The following ESR1 variants were observed in gnomAD, a reference collection of about 807,000 sequenced individuals.
ESR1 encodes estrogen receptor.
ESR1 carries 12 observed loss-of-function variants against 52.7 expected under a neutral mutation model. That is an observed-to-expected ratio of 0.23 (90% CI 0.15 to 0.37). ESR1 has a LOEUF of 0.37. ESR1 is among the 10% of genes least tolerant of loss of function. ESR1 has a pLI of 1.00. For missense variants in ESR1, 584 were observed against 779.7 expected (o/e 0.75, Z 2.99); for synonymous variants, 305 against 316.8 (o/e 0.96, Z 0.39).
At chr6:151,993,591 T>C (rs1169403146) in intron 4 of ESR1, among the ~76,000 whole-genome samples, 1 of 152,212 alleles carries the variant, frequency 6.6e-6, no homozygotes, top group Non-Finnish European at 1.5e-5. Flanking sequence ...GATCCCGCTC[T>C]TCTCAAGTTC....
At chr6:151,729,487 C>T (rs113485765) in intron 2 of ESR1, among the ~76,000 whole-genome samples, 1,956 of 152,118 alleles carry the variant, frequency 0.013, 36 homozygotes, top group African/African-American at 0.043. Flanking sequence ...GAGCAGAGTA[C>T]GCAGGGGAAT....
intron 4 of ESR1, among the ~76,000 whole-genome samples, chr6:151,962,138 T>G (rs1584495270): frequency 6.6e-6 from 1 of 152,272 alleles, no homozygotes; most frequent in East Asian, 1.9e-4. Context: ...ATCAAGAGCT[T>G]CTGCCGTCTT....
upstream of ESR1, among the ~76,000 whole-genome samples, chr6:151,688,484 A>G (rs185309942): frequency 1.3e-3 from 199 of 152,272 alleles, 1 homozygote; most frequent in African/African-American, 4.6e-3. Context: ...TACTTACCTC[A>G]CTGGGTTGCT....
chr6:151,728,270 A>G (rs1229789352), intron 2 of ESR1, among the ~76,000 whole-genome samples: 1 of 152,238 alleles, frequency 6.6e-6, no homozygotes, highest in Non-Finnish European at 1.5e-5. Flanking sequence ...CACAGGTCAG[A>G]TCACTCTCAG....
At chr6:151,817,931 T>C (rs1341084653) in intron 1 of ESR1, among the ~76,000 whole-genome samples, 1 of 152,206 alleles carries the variant, frequency 6.6e-6, no homozygotes, top group Non-Finnish European at 1.5e-5. Flanking sequence ...GTACAATTGT[T>C]GATTGCATAA....
At chr6:151,660,229 C>T (rs562841898) in intron 1 of ESR1, among the ~76,000 whole-genome samples, 3 of 152,114 alleles carry the variant, frequency 2.0e-5, no homozygotes, top group Non-Finnish European at 2.9e-5. Flanking sequence ...AGAGTTTGGG[C>T]GATGGGAAAA....
chr6:151,973,822 TC>T (rs921838825), intron 4 of ESR1, among the ~76,000 whole-genome samples: 3 of 152,166 alleles, frequency 2.0e-5, no homozygotes, highest in African/African-American at 7.2e-5. Flanking sequence ...AAAACATAGC[TC>T]CCCAGCTTTC....
chr6:151,693,634 T>TC (rs1779106807), intron 1 of ESR1, among the ~76,000 whole-genome samples: 1 of 152,240 alleles, frequency 6.6e-6, no homozygotes, highest in East Asian at 1.9e-4. Context: ...TGATTTTTTT[T>TC]TGAGATGGAG....
At chr6:152,079,481 G>C (rs993614412) in intron 6 of ESR1, among the ~76,000 whole-genome samples, 6 of 152,154 alleles carry the variant, frequency 3.9e-5, no homozygotes, top group African/African-American at 1.4e-4. Flanking sequence ...AACCCCATCT[G>C]TAGGTCATCA....
chr6:152,122,409 C>T, intron 6 of ESR1: 1 of 1,613,982 alleles, frequency 6.2e-7, no homozygotes, highest in Non-Finnish European at 8.5e-7. Context: ...ATGCTACCAG[C>T]ACTTCTGCAG....
chr6:152,010,080 T>G (rs1032749663), intron 4 of ESR1, among the ~76,000 whole-genome samples: 6 of 152,090 alleles, frequency 3.9e-5, no homozygotes, highest in African/African-American at 1.4e-4. Context: ...TTGATGAGCT[T>G]TGATTATGAA....
intron 3 of ESR1, among the ~76,000 whole-genome samples, chr6:151,926,268 G>A (rs1231353251): frequency 6.6e-6 from 1 of 152,064 alleles, no homozygotes; most frequent in African/African-American, 2.4e-5. Context: ...ATGAAATAGT[G>A]CAAGTGCTCC....
chr6:151,860,523 G>A (rs1788680004), intron 2 of ESR1, among the ~76,000 whole-genome samples: 1 of 152,066 alleles, frequency 6.6e-6, no homozygotes, highest in Non-Finnish European at 1.5e-5. Context: ...ATATATATGT[G>A]TGTATATACA....
At chr6:152,039,418 A>G (rs1393614769) in intron 5 of ESR1, among the ~76,000 whole-genome samples, 2 of 151,770 alleles carry the variant, frequency 1.3e-5, no homozygotes, top group Non-Finnish European at 2.9e-5. Context: ...CCCAGCCAAC[A>G]CTAACTCCTT....
At chr6:152,007,682 A>G (rs2128762497) in intron 4 of ESR1, among the ~76,000 whole-genome samples, 1 of 152,154 alleles carries the variant, frequency 6.6e-6, no homozygotes, top group Non-Finnish European at 1.5e-5. Flanking sequence ...TACTTTTTCG[A>G]TATGCATTCT....
intron 2 of ESR1, among the ~76,000 whole-genome samples, chr6:151,857,749 G>T (rs1032707058): frequency 6.6e-6 from 1 of 151,870 alleles, no homozygotes; most frequent in Admixed American, 6.6e-5. Flanking sequence ...TGCTAGTCTC[G>T]AACTCCTGAC....
chr6:152,015,708 C>T (rs556766610), intron 5 of ESR1, among the ~76,000 whole-genome samples: 2 of 152,314 alleles, frequency 1.3e-5, no homozygotes, highest in South Asian at 2.1e-4. Context: ...CAATTCCCCA[C>T]TTATTCTTTT....
downstream of ESR1, among the ~76,000 whole-genome samples, chr6:152,107,030 G>T (rs2051074643): frequency 6.6e-6 from 1 of 152,064 alleles, no homozygotes; most frequent in Non-Finnish European, 1.5e-5. Flanking sequence ...TTGCTTTTAA[G>T]ATTTTATCTT....
At position 151,808,084 on chromosome 6, in the gene ESR1, G is replaced by C; in HGVS notation, c.172G>C (p.Ala58Pro). 6.2e-7 allele frequency: 1 copy of C among 1,612,698 alleles called. No homozygotes were observed. The highest frequency in any genetic ancestry group is 1.1e-5 in the South Asian group (1 of 90,962). ...KPAVYNYPEG[A>P]AYEFNAAAAA... ...CGCCGTGTACAACTACCCCGAGGGC[G>C]CCGCCTACGAGTTCAACGCCGCGGC... The change falls in exon 1 of 8, where the codon GCC (alanine) becomes CCC (proline). Residue 58 changes from alanine to proline, a missense_variant. Around this residue, in one of 6 missense-constraint regions of ESR1, gnomAD observed 251 missense variants for 246.1 expected, o/e 1.02. Transcript: ENST00000206249.
Sources: gnomAD v4.1 joint callset for allele counts (sites outside exome capture counted in the v4.1 genomes callset) on GRCh38, gnomAD v4.1.1 for gene constraint, gnomAD v4.1.1 regional missense constraint, MANE v1.5 for transcripts, NCBI Gene and HGNC (gene_info 2026-07-23, HGNC 2026-07-21) for gene names.